KLHL23: variants seen among roughly 807,000 people sequenced by gnomAD.
KLHL23 encodes kelch like family member 23.
Under a neutral mutation model 48.9 loss-of-function variants are expected in KLHL23, and 33 were observed. The observed-to-expected ratio is 0.67, with a 90% CI of 0.51 to 0.90. The LOEUF (loss-of-function observed/expected upper bound fraction) is 0.90. Among genes scored for constraint, KLHL23 ranks in the 40% least tolerant of loss-of-function variants. The pLI, the probability that KLHL23 is intolerant of heterozygous loss-of-function variation, is 0.00. For missense variants in KLHL23, 608 were observed against 669.6 expected (o/e 0.91, Z 1.02); for synonymous variants, 234 against 231.6 (o/e 1.01, Z -0.09).
chr2:169,747,337 C>T (rs961970140), intron 3 of KLHL23, among the ~76,000 whole-genome samples: 4 of 126,438 alleles, frequency 3.2e-5, no homozygotes, highest in South Asian at 2.7e-4. Context: ...TGCAGTGAGC[C>T]GAGATTGCGC....
intron 2 of KLHL23, among the ~76,000 whole-genome samples, chr2:169,740,791 T>TATATATATATATATATATA (rs1291405019): frequency 2.7e-4 from 38 of 140,226 alleles, no homozygotes; most frequent in African/African-American, 9.3e-4. Flanking sequence ...TATATATATA[T>TATATATATATATATATATA]AACTTATTTA....
chr2:169,747,931 C>T (rs941807064), intron 3 of KLHL23, among the ~76,000 whole-genome samples: 13 of 152,102 alleles, frequency 8.5e-5, no homozygotes, highest in Non-Finnish European at 2.9e-5. Flanking sequence ...TGTAGACCAG[C>T]CTGGGCAACA....
intron 2 of KLHL23, among the ~76,000 whole-genome samples, chr2:169,736,948 G>A (rs1339945881): frequency 6.6e-6 from 1 of 152,124 alleles, no homozygotes; most frequent in Admixed American, 6.5e-5. Flanking sequence ...TTTAATGCTA[G>A]TGAGAGTGTG....
chr2:169,735,742 GAAGCT>G lies in KLHL23; in HGVS notation c.729_733del (p.Ser244ProfsTer6). ...TTAAAAACAGCCTTAGGCCTTCAAA[GAAGCT>G]GCCTGCTCACCGAAAATAAGATCCG... On this transcript the variant is annotated frameshift_variant, in exon 2 of 4. Coordinates refer to ENST00000392647, the MANE Select transcript of KLHL23 (RefSeq NM_144711.6). LOFTEE classifies it high-confidence loss of function. This position sits in a 1 kb window ranked among gnomAD's most constrained non-coding sequence, Gnocchi z 4.5. 1 of 1,613,998 alleles carries G rather than the reference GAAGCT, an allele frequency of 6.2e-7. No individual in the cohort carries two copies. Among genetic ancestry groups the G allele is most frequent in the South Asian group, 1.1e-5 (1 of 91,084 alleles).
At chr2:169,741,797 G>C (rs80142975) in intron 3 of KLHL23, among the ~76,000 whole-genome samples, 1 of 152,090 alleles carries the variant, frequency 6.6e-6, no homozygotes, top group African/African-American at 2.4e-5. Flanking sequence ...AAATATTAGC[G>C]TCTTTAAAAT....
intron 3 of KLHL23, among the ~76,000 whole-genome samples, chr2:169,746,453 G>T (rs1250595780): frequency 2.0e-5 from 3 of 152,174 alleles, no homozygotes; most frequent in Admixed American, 1.3e-4. Flanking sequence ...GTGACAGATG[G>T]TGTCACTCCC....
intron 3 of KLHL23, among the ~76,000 whole-genome samples, chr2:169,745,521 A>T (rs1688777007): frequency 6.7e-6 from 1 of 150,320 alleles, no homozygotes; most frequent in Non-Finnish European, 1.5e-5. Context: ...CTCAAAAAAA[A>T]AAAAAAAAAA....
intron 2 of KLHL23, among the ~76,000 whole-genome samples, chr2:169,739,612 C>T (rs982987438): frequency 6.6e-6 from 1 of 152,178 alleles, no homozygotes; most frequent in African/African-American, 2.4e-5. Flanking sequence ...CTGTGATTTC[C>T]CTCGTCAAAT....
At position 169,735,812 on chromosome 2, in the gene KLHL23, G is replaced by C; in HGVS notation, c.798G>C (p.Glu266Asp). Residue 266 changes from glutamate to aspartate, a missense_variant, in exon 2 of 4, where the codon GAG (glutamate) becomes GAC (aspartate). Around this residue, in one of 3 missense-constraint regions of KLHL23, gnomAD observed 419 missense variants for 473.1 expected, o/e 0.89. Transcript: ENST00000392647. This position sits in a 1 kb window ranked among gnomAD's most constrained non-coding sequence, Gnocchi z 4.5. ...ATGCCTTGAATCCCATGCATAAAGA[G>C]ATTTCCCAGAGGTCCACAGCCACAA... ...IYNALNPMHK[E>D]ISQRSTATMY... 6.2e-7 allele frequency: 1 copy of C among 1,614,038 alleles called. No individual in the cohort carries two copies.
At chr2:169,740,722 A>G (rs1199462857) in intron 2 of KLHL23, among the ~76,000 whole-genome samples, 9 of 146,868 alleles carry the variant, frequency 6.1e-5, no homozygotes, top group Non-Finnish European at 1.3e-4. Context: ...TGCTGGGATT[A>G]CAGGCGTGAG....
intron 2 of KLHL23, among the ~76,000 whole-genome samples, chr2:169,737,679 A>G (rs1348596851): frequency 2.0e-5 from 3 of 146,952 alleles, no homozygotes; most frequent in Non-Finnish European, 3.0e-5. Context: ...CAGTGGCGTG[A>G]TCTTGGCTCA....
intron 2 of KLHL23, among the ~76,000 whole-genome samples, chr2:169,740,363 C>T (rs1688643791): frequency 6.6e-6 from 1 of 152,142 alleles, no homozygotes; most frequent in Admixed American, 6.6e-5. Context: ...GATCCCCTGC[C>T]TCAGCCTCCT....
intron 3 of KLHL23, among the ~76,000 whole-genome samples, chr2:169,746,595 G>T (rs547673014): frequency 2.0e-4 from 30 of 152,200 alleles, no homozygotes; most frequent in African/African-American, 7.2e-4. Flanking sequence ...TGGCTTAGAG[G>T]GGTTAACTAA....
intron 3 of KLHL23, among the ~76,000 whole-genome samples, chr2:169,742,207 C>T (rs566390378): frequency 5.1e-4 from 77 of 152,346 alleles, no homozygotes; most frequent in Middle Eastern, 3.4e-3. Flanking sequence ...TTCATATCAT[C>T]GTACCACCAT....
Position 169,735,643 on chromosome 2 carries a change from A to G in KLHL23, c.629A>G (p.His210Arg). Reference protein sequence around the residue: ...IIEPVIKWTAHDVENRIECLY... With the variant: ...IIEPVIKWTARDVENRIECLY... ...GAGCCAGTTATTAAGTGGACTGCTC[A>G]TGATGTAGAAAATCGAATTGAATGC... Residue 210 changes from histidine to arginine, a missense_variant, in exon 2 of 4, where the codon CAT (histidine) becomes CGT (arginine). Physicochemically the swap from His to Arg is conservative, Grantham distance 29 (BLOSUM62 0). Coordinates refer to ENST00000392647, the MANE Select transcript of KLHL23 (RefSeq NM_144711.6). The surrounding 1 kb of genome is among the most constrained non-coding windows in gnomAD (Gnocchi z 4.5). The G allele has an allele frequency of 1.2e-6, 2 of 1,614,092 alleles. No individual in the cohort carries two copies. Among genetic ancestry groups the G allele is most frequent in the Non-Finnish European group, 1.7e-6 (2 of 1,180,050 alleles).
At position 169,735,930 on chromosome 2, in the gene KLHL23, C is replaced by A. The variant is rs189788024; in HGVS notation, c.916C>A (p.Pro306Thr). The A allele has an allele frequency of 1.2e-6, 2 of 1,614,094 alleles. No individual in the cohort carries two copies. The highest frequency in any genetic ancestry group is 2.2e-5 in the East Asian group (1 of 44,876). The change falls in exon 2 of 4, where the codon CCA (proline) becomes ACA (threonine). Residue 306 changes from proline (P) to threonine (T), a missense_variant. Physicochemically the swap from Pro to Thr is conservative, Grantham distance 38 (BLOSUM62 -1). Coordinates refer to ENST00000392647, the MANE Select transcript of KLHL23 (RefSeq NM_144711.6). This position sits in a 1 kb window ranked among gnomAD's most constrained non-coding sequence, Gnocchi z 4.5. Reference sequence around the variant, plus strand: ...TGTTTGGATTCAGGGAGCAGAAATACCAGATTATACCAGGGAGAGCTATGG... The same window carrying A: ...TGTTTGGATTCAGGGAGCAGAAATAACAGATTATACCAGGGAGAGCTATGG... ...TNVWIQGAEI[P>T]DYTRESYGVT...
chr2:169,745,771 G>A (rs936950013), intron 3 of KLHL23, among the ~76,000 whole-genome samples: 4 of 152,280 alleles, frequency 2.6e-5, no homozygotes, highest in South Asian at 4.1e-4. Flanking sequence ...GTCTCTGGCC[G>A]GTTGTCTGAG....
At chr2:169,736,544 A>T (rs1688522425) in intron 2 of KLHL23, among the ~76,000 whole-genome samples, 1 of 152,236 alleles carries the variant, frequency 6.6e-6, no homozygotes, top group South Asian at 2.1e-4. Context: ...TACGCTGATC[A>T]GCTCTCAAGA....
intron 3 of KLHL23, among the ~76,000 whole-genome samples, chr2:169,746,090 A>G (rs1464851659): frequency 2.6e-5 from 4 of 152,174 alleles, no homozygotes; most frequent in African/African-American, 7.2e-5. Flanking sequence ...CTGAGGAACA[A>G]GAGGGTGTGA....
Sources: gnomAD v4.1 joint callset for allele counts (sites outside exome capture counted in the v4.1 genomes callset) on GRCh38, gnomAD v4.1.1 for gene constraint, gnomAD v4.1.1 regional missense constraint, Gnocchi (gnomAD v3.1) non-coding constraint, MANE v1.5 for transcripts, NCBI Gene and HGNC (gene_info 2026-07-23, HGNC 2026-07-21) for gene names.